Variants in NUDT3 observed in about 807,000 individuals in gnomAD.
NUDT3 encodes nudix hydrolase 3, also known as diphosphoinositol polyphosphate phosphohydrolase 1.
NUDT3 carries 9 observed loss-of-function variants against 23.6 expected under a neutral mutation model. That is an observed-to-expected ratio of 0.38 (90% CI 0.23 to 0.66). The LOEUF (loss-of-function observed/expected upper bound fraction) is 0.66. Ranked by LOEUF, NUDT3 falls within the 30% of genes least tolerant of loss-of-function variation. The pLI is 0.52. For synonymous variants in NUDT3, 86 were observed against 82.6 expected (o/e 1.04, Z -0.22); for missense variants, 172 against 218.5 (o/e 0.79, Z 1.34).
intron 2 of NUDT3, among the ~76,000 whole-genome samples, chr6:34,309,397 T>C (rs904837014): frequency 3.3e-5 from 5 of 150,256 alleles, no homozygotes; most frequent in Non-Finnish European, 6.0e-5. Context: ...AGAGTGGTGC[T>C]TAGAGGAAAA....
chr6:34,324,061 G>A (rs1763986077), intron 2 of NUDT3, among the ~76,000 whole-genome samples: 1 of 152,124 alleles, frequency 6.6e-6, no homozygotes, highest in Admixed American at 6.6e-5. Flanking sequence ...GCACTTAAAA[G>A]CCTTCAGAAT....
At chr6:34,341,336 G>A (rs987460356) in intron 2 of NUDT3, among the ~76,000 whole-genome samples, 3 of 151,874 alleles carry the variant, frequency 2.0e-5, no homozygotes, top group Non-Finnish European at 4.4e-5. Context: ...TCATGGCCCA[G>A]GAACTCAACA....
At position 34,284,707 on chromosome 6, in the gene NUDT3, C is replaced by G. The variant is rs1444225473; in HGVS notation, c.*4046G>C. On this transcript the variant is annotated 3_prime_UTR_variant, in exon 5 of 5. Coordinates refer to ENST00000607016, the MANE Select transcript of NUDT3 (RefSeq NM_006703.4). ...GTTTAGCAGGAGCCTCCAATGAGCA[C>G]TGTATGTAGAGAAAAGGGAAGGAGC... 1 of 152,052 alleles carries G rather than the reference C, an allele frequency of 6.6e-6. No homozygotes were observed. Among genetic ancestry groups the G allele is most frequent in the East Asian group, 1.9e-4 (1 of 5,192 alleles). The allele number at this position is 152,052 out of a possible 1,614,324, so 9.4% of individuals were successfully genotyped here.
chr6:34,347,813 G>A lies in NUDT3; in HGVS notation c.100-5841C>T, dbSNP rs1764400587. 2.6e-5 allele frequency among the ~76,000 whole-genome samples: 4 copies of A among 151,948 alleles called. No individual in the cohort carries two copies. The South Asian group carries it at 8.3e-4, about 32-fold the overall frequency. On this transcript the variant is annotated intron_variant, in intron 1 of 4. Transcript: ENST00000607016. ...ATACGGAGTGAGAAATACTTAGCTT[G>A]AGGATACCACAGTGATAATGAAAAG...
At position 34,306,135 on chromosome 6, in the gene NUDT3, A is replaced by C. The variant is rs1198524664; in HGVS notation, c.211-10450T>G. Among the ~76,000 whole-genome samples the C allele has an allele frequency of 7.2e-5, 11 of 152,244 alleles. No individual in the cohort carries two copies. In the East Asian group the frequency reaches 2.1e-3, roughly 29 times the overall value. ...GTTCTTCATAGGGACTATCAAGCAC[A>C]AAATGAGATGTTTTGAAGTCTTCAA... is the stretch of plus-strand genomic sequence containing the variant. On this transcript the variant is annotated intron_variant, in intron 2 of 4. Transcript: ENST00000607016.
chr6:34,391,201 T>C (rs1432327525), intron 1 of NUDT3, among the ~76,000 whole-genome samples: 1 of 152,204 alleles, frequency 6.6e-6, no homozygotes, highest in Admixed American at 6.5e-5. Context: ...GTCAAGTTCC[T>C]TTCCCCATTT....
intron 1 of NUDT3, among the ~76,000 whole-genome samples, chr6:34,367,068 T>C (rs1023526415): frequency 1.3e-5 from 2 of 152,108 alleles, no homozygotes; most frequent in African/African-American, 4.8e-5. Context: ...TTTGTATTTT[T>C]AGTAGAGCCA....
At chr6:34,371,824 C>T (rs1764835281) in intron 1 of NUDT3, among the ~76,000 whole-genome samples, 4 of 152,122 alleles carry the variant, frequency 2.6e-5, no homozygotes, top group Admixed American at 2.6e-4. Context: ...TATACATGTG[C>T]CATGTTGGTG....
At position 34,354,428 on chromosome 6, in the gene NUDT3, CAT is replaced by C. The variant is rs368836351; in HGVS notation, c.100-12458_100-12457del. On this transcript the variant is annotated intron_variant, in intron 1 of 4. Coordinates refer to ENST00000607016, the MANE Select transcript of NUDT3 (RefSeq NM_006703.4). ...ACACACACACACACACACACACACA[CAT>C]ACACACTCTTGGCCGGGCACAGTGG... 4.1e-3 allele frequency among the ~76,000 whole-genome samples: 583 copies of C among 141,574 alleles called. 5 individuals carry two copies. Among genetic ancestry groups the C allele is most frequent in the South Asian group, 0.017 (71 of 4,292 alleles). The allele number at this position is 141,574 out of a possible 152,430, so 92.9% of individuals were successfully genotyped here. A position where few individuals can be genotyped will look rare whatever the true frequency, so the allele number is the denominator to read the frequency against.
chr6:34,351,198 T>TTAAAAAAAAAAAAAAAAAA lies in NUDT3; in HGVS notation c.100-9227_100-9226insTTTTTTTTTTTTTTTTTTA, dbSNP rs1764462307. On this transcript the variant is annotated intron_variant, in intron 1 of 4. Transcript: ENST00000607016. Reference sequence around the variant, plus strand: ...GACCTCGTCTCTACACTCCCCTGCCTAAAAAAAAAAAAAAAAAAAAAAAAA... The same window carrying TTAAAAAAAAAAAAAAAAAA: ...GACCTCGTCTCTACACTCCCCTGCCTTAAAAAAAAAAAAAAAAAAAAAAAAAAAAAAAAAAAAAAAAAAA... Among the ~76,000 whole-genome samples, 20 of 17,890 alleles carry TTAAAAAAAAAAAAAAAAAA rather than the reference T, an allele frequency of 1.1e-3. 2 individuals carry two copies. The highest frequency in any genetic ancestry group is 4.5e-4 in the Non-Finnish European group (4 of 8,854). The allele number at this position is 17,890 out of a possible 152,430, so 11.7% of individuals were successfully genotyped here.
At chr6:34,368,498 G>A (rs1764774801) in intron 1 of NUDT3, among the ~76,000 whole-genome samples, 1 of 152,156 alleles carries the variant, frequency 6.6e-6, no homozygotes, top group Non-Finnish European at 1.5e-5. Flanking sequence ...TTATTTGGCT[G>A]TCATTAAATC....
In NUDT3 at chr6:34,280,853, T is replaced by A. The variant is rs1382425946; in HGVS notation, c.*7900A>T. The A allele has an allele frequency of 6.6e-6, 1 of 152,196 alleles. No homozygotes were observed. Among genetic ancestry groups the A allele is most frequent in the East Asian group, 1.9e-4 (1 of 5,206 alleles). The allele number at this position is 152,196 out of a possible 1,614,324, so 9.4% of individuals were successfully genotyped here. A position where few individuals can be genotyped will look rare whatever the true frequency, so the allele number is the denominator to read the frequency against. ...GGGTACATGGGTCCCTGGCTCTCTG[T>A]CTCAGTTCCACAGATATTACTCAAC... is the stretch of plus-strand genomic sequence containing the variant. On this transcript the variant is annotated 3_prime_UTR_variant, in exon 5 of 5. Coordinates refer to ENST00000607016, the MANE Select transcript of NUDT3 (RefSeq NM_006703.4).
At chr6:34,375,774 C>T (rs1412158062) in intron 1 of NUDT3, among the ~76,000 whole-genome samples, 2 of 152,160 alleles carry the variant, frequency 1.3e-5, no homozygotes, top group African/African-American at 4.8e-5. Flanking sequence ...CAAATCCACA[C>T]GTCCATCTTA....
intron 2 of NUDT3, among the ~76,000 whole-genome samples, chr6:34,324,295 C>T (rs1581866049): frequency 6.6e-6 from 1 of 150,780 alleles, no homozygotes; most frequent in Non-Finnish European, 1.5e-5. Context: ...GCAGAGGTTG[C>T]AGTGAGCTGA....
Position 34,313,176 on chromosome 6 carries a change from G to GA in NUDT3, c.211-17492dup, listed in dbSNP as rs536086769. Among the ~76,000 whole-genome samples, 158 of 149,816 alleles carry GA rather than the reference G, an allele frequency of 1.1e-3. 6 individuals carry two copies. Among genetic ancestry groups the GA allele is most frequent in the South Asian group, 6.9e-3 (33 of 4,750 alleles). ...GGTGACAGAGCGAGACCTTGTCTCT[G>GA]AAAAAAAAACCAGAAAAATAAAATA... On this transcript the variant is annotated intron_variant, in intron 2 of 4. Coordinates refer to ENST00000607016, the MANE Select transcript of NUDT3 (RefSeq NM_006703.4).
At position 34,287,471 on chromosome 6, in the gene NUDT3, T is replaced by C. The variant is rs1483727721; in HGVS notation, c.*1282A>G. 6.6e-6 allele frequency: 1 copy of C among 152,174 alleles called. No individual in the cohort carries two copies. The highest frequency in any genetic ancestry group is 1.5e-5 in the Non-Finnish European group (1 of 68,038). The allele number at this position is 152,174 out of a possible 1,614,324, so 9.4% of individuals were successfully genotyped here. ...ATTATGTAACCACTGTAATAAGTGA[T>C]TACGTGGCCTCCCATATGGACCTTT... is the stretch of plus-strand genomic sequence containing the variant. On this transcript the variant is annotated 3_prime_UTR_variant, in exon 5 of 5. Transcript: ENST00000607016.
At chr6:34,376,366 T>G (rs930902212) in intron 1 of NUDT3, among the ~76,000 whole-genome samples, 7 of 152,008 alleles carry the variant, frequency 4.6e-5, no homozygotes, top group African/African-American at 1.7e-4. Flanking sequence ...GCAGCCTCGA[T>G]CTCCCAGGCT....
At position 34,284,501 on chromosome 6, in the gene NUDT3, T is replaced by TA. The variant is rs956663303; in HGVS notation, c.*4251dup. The TA allele has an allele frequency of 3.4e-5, 5 of 148,552 alleles. No homozygotes were observed. The highest frequency in any genetic ancestry group is 1.2e-4 in the African/African-American group (5 of 40,630). 9.2% of individuals were successfully genotyped at this position (148,552 alleles called of 1,614,324 possible). On this transcript the variant is annotated 3_prime_UTR_variant, in exon 5 of 5. Transcript: ENST00000607016. ...TGGCTATTAAATCCTTTTTGTGAAC[T>TA]AAAAAAAGTGAATGTGGCTTAGGCT...
Position 34,288,817 on chromosome 6 carries a change from C to T in NUDT3, c.455G>A (p.Gly152Asp). Residue 152 changes from glycine (G) to aspartate (D), a missense_variant, in exon 5 of 5, where the codon GGC (glycine) becomes GAC (aspartate). Gly to Asp is a moderately conservative substitution (Grantham distance 94, BLOSUM62 -1). Coordinates refer to ENST00000607016, the MANE Select transcript of NUDT3 (RefSeq NM_006703.4). ...GTATGTGGTGGCCACGACTGGGGTG[C>T]CATTGTTGGCTGAGTAGCCTTGCCT... ...TLRQGYSANN[G>D]TPVVATTYSV... The T allele has an allele frequency of 6.2e-7, 1 of 1,614,060 alleles. No individual in the cohort carries two copies. Among genetic ancestry groups the T allele is most frequent in the African/African-American group, 1.3e-5 (1 of 75,020 alleles).
Sources: gnomAD v4.1 joint callset for allele counts (sites outside exome capture counted in the v4.1 genomes callset) on GRCh38, gnomAD v4.1.1 for gene constraint, MANE v1.5 for transcripts, NCBI Gene and HGNC (gene_info 2026-07-23, HGNC 2026-07-21) for gene names.